ARHGEF9: variants seen among roughly 807,000 people sequenced by gnomAD.
The protein encoded by ARHGEF9 is Cdc42 guanine nucleotide exchange factor 9.
Under a neutral mutation model 41.3 loss-of-function variants are expected in ARHGEF9, and 2 were observed. The ratio of observed to expected loss-of-function variants is 0.05; its 90% CI spans 0.02 to 0.15. The LOEUF (loss-of-function observed/expected upper bound fraction) is 0.15. Ranked by LOEUF, ARHGEF9 falls within the 10% of genes least tolerant of loss-of-function variation. The pLI is 1.00. For synonymous variants in ARHGEF9, 160 were observed against 154.4 expected, an observed-to-expected ratio of 1.04 and a Z score of -0.27; for missense variants, 225 against 424.7, an observed-to-expected ratio of 0.53 and a Z score of 4.13.
intron 1 of ARHGEF9, among the ~76,000 whole-genome samples, chrX:63,779,205 G>T (rs1209110985): frequency 8.9e-6 from 1 of 111,761 alleles, no homozygotes; most frequent in Non-Finnish European, 1.9e-5. Flanking sequence ...ATATTTTGGG[G>T]TATCTTAATA....
chrX:63,753,557 T>C (rs75041713), intron 1 of ARHGEF9, among the ~76,000 whole-genome samples: 4 of 109,007 alleles, frequency 3.7e-5, no homozygotes, highest in Non-Finnish European at 7.6e-5. Flanking sequence ...TTTTTTTTTT[T>C]TGATGAGACA....
intron 1 of ARHGEF9, among the ~76,000 whole-genome samples, chrX:63,759,094 C>T (rs1390756531): frequency 9.0e-6 from 1 of 111,165 alleles, no homozygotes; most frequent in Non-Finnish European, 1.9e-5. Context: ...AGGGAAGCAA[C>T]TTGTCAAAGA....
intron 6 of ARHGEF9, among the ~76,000 whole-genome samples, chrX:63,667,167 G>A (rs782071068): frequency 2.6e-3 from 296 of 111,720 alleles, no homozygotes; most frequent in Non-Finnish European, 3.1e-3. Context: ...CAGACAGTGC[G>A]CCAGATATTT....
intron 3 of ARHGEF9, among the ~76,000 whole-genome samples, chrX:63,704,958 GGCCTTGGTGTTTC>G (rs1556399830): frequency 3.6e-5 from 4 of 112,301 alleles, no homozygotes; most frequent in African/African-American, 1.3e-4. Flanking sequence ...CAAAATCCTT[GGCCTTGGTGTTTC>G]CAGAGCTATA....
chrX:63,724,100 A>G (rs1287799426), intron 2 of ARHGEF9, among the ~76,000 whole-genome samples: 2 of 112,350 alleles, frequency 1.8e-5, no homozygotes, highest in Non-Finnish European at 3.8e-5. Flanking sequence ...AGAGCAGAGG[A>G]GCAAGAGGAG....
chrX:63,701,172 TCCTAGAAACTA>T (rs2052137758), intron 3 of ARHGEF9, among the ~76,000 whole-genome samples: 1 of 110,877 alleles, frequency 9.0e-6, no homozygotes, highest in African/African-American at 3.3e-5. Flanking sequence ...CCAGAAAAGA[TCCTAGAAACTA>T]CCAGAAAATA....
At chrX:63,754,804 G>C in intron 1 of ARHGEF9, 4 of 941,903 alleles carry the variant, frequency 4.2e-6, no homozygotes, top group Non-Finnish European at 5.3e-6. Context: ...TGGGCTGATC[G>C]TTTGTCCCTA....
chrX:63,782,685 G>C lies in ARHGEF9; in HGVS notation c.30+2431C>G, dbSNP rs139527537. Among the ~76,000 whole-genome samples the C allele has an allele frequency of 1.1e-3, 122 of 112,561 alleles. 1 individual carries two copies. Among genetic ancestry groups the C allele is most frequent in the African/African-American group, 3.9e-3 (122 of 31,035 alleles). On this transcript the variant is annotated intron_variant, in intron 1 of 9. Transcript: ENST00000671741. ...TACTTCGGGCACCTTGCAAACGAAA[G>C]AACAAGGAGCAAAGATCTTTCAGCT...
chrX:63,739,887 C>T (rs1556425420), intron 1 of ARHGEF9, among the ~76,000 whole-genome samples: 5 of 112,112 alleles, frequency 4.5e-5, no homozygotes, highest in African/African-American at 1.6e-4. Context: ...AAGCCCATTC[C>T]ACAGACCAGA....
At chrX:63,690,432 C>T (rs1435839460) in intron 4 of ARHGEF9, among the ~76,000 whole-genome samples, 2 of 111,015 alleles carry the variant, frequency 1.8e-5, no homozygotes, top group Non-Finnish European at 3.8e-5. Flanking sequence ...CAAGATTGAA[C>T]CATGAATAAA....
At chrX:63,753,841 C>T (rs1188304793) in intron 1 of ARHGEF9, among the ~76,000 whole-genome samples, 1 of 111,984 alleles carries the variant, frequency 8.9e-6, no homozygotes, top group Non-Finnish European at 1.9e-5. Flanking sequence ...GCACAACACA[C>T]CCGTGTCACT....
intron 2 of ARHGEF9, among the ~76,000 whole-genome samples, chrX:63,716,598 C>A (rs2053318357): frequency 9.0e-6 from 1 of 111,502 alleles, no homozygotes; most frequent in South Asian, 3.8e-4. Flanking sequence ...ATTAAGAAAC[C>A]ATTTTCACTG....
At chrX:63,645,537 G>A (rs1251594676) in intron 8 of ARHGEF9, among the ~76,000 whole-genome samples, 2 of 111,572 alleles carry the variant, frequency 1.8e-5, no homozygotes. Flanking sequence ...CTTCATCCAT[G>A]TTCCTACAAA....
chrX:63,718,916 T>C (rs2053482670), intron 2 of ARHGEF9, among the ~76,000 whole-genome samples: 1 of 111,370 alleles, frequency 9.0e-6, no homozygotes, highest in African/African-American at 3.3e-5. Context: ...TTTGGAGGAA[T>C]CATCTGGGTG....
At chrX:63,640,650 C>T (rs1556304899) in intron 9 of ARHGEF9, 1 of 112,018 alleles carries the variant, frequency 8.9e-6, no homozygotes, top group African/African-American at 3.2e-5. Context: ...TTTCTTGGAG[C>T]TAGATCTGGT....
At chrX:63,761,098 G>A (rs1353326655) in intron 1 of ARHGEF9, among the ~76,000 whole-genome samples, 1 of 111,320 alleles carries the variant, frequency 9.0e-6, no homozygotes, top group Non-Finnish European at 1.9e-5. Context: ...ATCACCCATG[G>A]TCATTTGTGC....
intron 2 of ARHGEF9, among the ~76,000 whole-genome samples, chrX:63,720,709 A>G (rs1324128406): frequency 8.9e-6 from 1 of 112,118 alleles, no homozygotes; most frequent in Non-Finnish European, 1.9e-5. Context: ...TTGCCTCAGT[A>G]TTTATACAAC....
chrX:63,724,394 A>G, intron 2 of ARHGEF9, 138 bp downstream of exon 2: 1 of 668,646 alleles, frequency 1.5e-6, no homozygotes, highest in Non-Finnish European at 2.2e-6. Context: ...TCTCTGTATG[A>G]GACAATTTTA....
intron 2 of ARHGEF9, among the ~76,000 whole-genome samples, chrX:63,722,012 A>G (rs1556414000): frequency 8.9e-6 from 1 of 112,308 alleles, no homozygotes; most frequent in Non-Finnish European, 1.9e-5. Context: ...TGGTATTATA[A>G]TTCCTCTTTA....
Sources: gnomAD v4.1 joint callset for allele counts (sites outside exome capture counted in the v4.1 genomes callset) on GRCh38, gnomAD v4.1.1 for gene constraint, MANE v1.5 for transcripts, NCBI Gene and HGNC (gene_info 2026-07-23, HGNC 2026-07-21) for gene names.